PLXDC2: variants seen among roughly 807,000 people sequenced by gnomAD.
The protein encoded by PLXDC2 is plexin domain containing 2.
PLXDC2 carries 40 observed loss-of-function variants against 68.9 expected under a neutral mutation model. The observed-to-expected ratio is 0.58, with a 90% CI of 0.45 to 0.76. PLXDC2 has a LOEUF of 0.76. Among genes scored for constraint, PLXDC2 ranks in the 30% least tolerant of loss-of-function variants. The pLI is 0.00. For missense variants in PLXDC2, 644 were observed against 661.9 expected (o/e 0.97, Z 0.30); for synonymous variants, 243 against 234.2 (o/e 1.04, Z -0.34).
At position 20,022,267 on chromosome 10, in the gene PLXDC2, A is replaced by G. The variant is rs1835324853; in HGVS notation, c.324+20281A>G. Among the ~76,000 whole-genome samples the G allele has an allele frequency of 3.3e-5, 5 of 152,216 alleles. 1 individual carries two copies. In the South Asian group the frequency reaches 1.0e-3, roughly 32 times the overall value. On this transcript the variant is annotated intron_variant, in intron 2 of 13. Transcript: ENST00000377252. ...GTGCTAGTTGCCAGTATTTTTTAGT[A>G]AATGAAGCAGATACAAATGGAGTCT... is the stretch of plus-strand genomic sequence containing the variant.
intron 1 of PLXDC2, among the ~76,000 whole-genome samples, chr10:19,931,294 T>C (rs933601287): frequency 6.6e-6 from 1 of 152,216 alleles, no homozygotes; most frequent in Non-Finnish European, 1.5e-5. Context: ...ACTCCTTCTT[T>C]CCACTCTCAC....
intron 2 of PLXDC2, among the ~76,000 whole-genome samples, chr10:20,020,202 T>TTTTTTTTTG (rs1835283280): frequency 1.7e-5 from 2 of 118,286 alleles, no homozygotes; most frequent in African/African-American, 3.4e-5. Flanking sequence ...TTTTTTTTTG[T>TTTTTTTTTG]AGAGAGGTTG....
chr10:20,211,879 G>T, intron 10 of PLXDC2, 150 bp downstream of exon 10: 2 of 708,088 alleles, frequency 2.8e-6, no homozygotes, highest in African/African-American at 1.8e-5. Context: ...CAAATATTAG[G>T]GGTTCGATAA....
intron 1 of PLXDC2, among the ~76,000 whole-genome samples, chr10:19,960,479 T>G (rs1225485139): frequency 2.0e-5 from 3 of 152,204 alleles, no homozygotes; most frequent in African/African-American, 7.2e-5. Flanking sequence ...CAGTCCAACC[T>G]GTTACATTTG....
chr10:20,163,883 A>G (rs1482584707), intron 6 of PLXDC2, among the ~76,000 whole-genome samples: 7 of 152,212 alleles, frequency 4.6e-5, no homozygotes, highest in Non-Finnish European at 1.0e-4. Flanking sequence ...GAGATGACCC[A>G]TAAGAACTTA....
At chr10:20,167,298 C>A (rs143169474) in intron 7 of PLXDC2, among the ~76,000 whole-genome samples, 1 of 152,068 alleles carries the variant, frequency 6.6e-6, no homozygotes, top group Non-Finnish European at 1.5e-5. Flanking sequence ...AAGAGATACA[C>A]GGTTGCATTG....
In PLXDC2 at chr10:20,211,688, C is replaced by T. The variant is rs779833577; in HGVS notation, c.1081C>T (p.Arg361Cys). ...KLQRCSSGFD[R>C]HRQDWVDSGC... is the part of the protein sequence containing the mutation. Reference sequence around the variant, plus strand: ...TTGAAGATGTTCCAGTGGATTTGATCGTCATCGGCAGGACTGGGTGGACAG... The same window carrying T: ...TTGAAGATGTTCCAGTGGATTTGATTGTCATCGGCAGGACTGGGTGGACAG... The change falls in exon 10 of 14, where the codon CGT becomes TGT. Residue 361 changes from arginine to cysteine, a missense_variant. This residue lies in a region of PLXDC2 where 330 missense variants were observed against 327.9 expected (regional missense o/e 1.01). Coordinates refer to ENST00000377252, the MANE Select transcript of PLXDC2 (RefSeq NM_032812.9). The T allele has an allele frequency of 3.7e-6, 6 of 1,612,956 alleles. No homozygotes were observed. The highest frequency in any genetic ancestry group is 2.7e-5 in the African/African-American group (2 of 74,856).
chr10:20,112,774 A>G (rs1267878933), intron 4 of PLXDC2, among the ~76,000 whole-genome samples: 2 of 152,228 alleles, frequency 1.3e-5, no homozygotes, highest in Non-Finnish European at 2.9e-5. Flanking sequence ...GAAAATTTTT[A>G]CCGTGGAATA....
rs1564311348 is a variant in PLXDC2, at chr10:20,089,173, TGTGTGTGTGTGTGTGTG to T, written c.541+20935_541+20951del. On this transcript the variant is annotated intron_variant, in intron 4 of 13. Coordinates refer to ENST00000377252, the MANE Select transcript of PLXDC2 (RefSeq NM_032812.9). Reference sequence around the variant, plus strand: ...TTAAAAAAAAACCTGTATATACGTGTGTGTGTGTGTGTGTGTGTGTGTGTGTGTGTGTGTGTGTGTGT... The same window carrying T: ...TTAAAAAAAAACCTGTATATACGTGTTGTGTGTGTGTGTGTGTGTGTGTGT... 7.9e-5 allele frequency among the ~76,000 whole-genome samples: 3 copies of T among 38,092 alleles called. No individual in the cohort carries two copies. The African/African-American group carries it at 1.6e-3, about 20-fold the overall frequency. The allele number at this position is 38,092 out of a possible 152,430, so 25.0% of individuals were successfully genotyped here. A position where few individuals can be genotyped will look rare whatever the true frequency, so the allele number is the denominator to read the frequency against.
At chr10:20,126,121 A>AAT (rs1297408961) in intron 4 of PLXDC2, among the ~76,000 whole-genome samples, 1 of 147,574 alleles carries the variant, frequency 6.8e-6, no homozygotes, top group Admixed American at 6.8e-5. Flanking sequence ...TTTTATATAT[A>AAT]ATATATGTTA....
At chr10:19,843,346 T>C (rs1836942092) in intron 1 of PLXDC2, among the ~76,000 whole-genome samples, 1 of 152,234 alleles carries the variant, frequency 6.6e-6, no homozygotes, top group Admixed American at 6.5e-5. Context: ...ATCGATTTAT[T>C]CTCATGTTCT....
At chr10:19,946,841 C>T (rs779740374) in intron 1 of PLXDC2, among the ~76,000 whole-genome samples, 2 of 152,144 alleles carry the variant, frequency 1.3e-5, no homozygotes, top group Admixed American at 1.3e-4. Flanking sequence ...GAATCAAGTG[C>T]CATCGCTGAT....
chr10:19,860,379 G>T (rs547159638), intron 1 of PLXDC2, among the ~76,000 whole-genome samples: 1 of 152,306 alleles, frequency 6.6e-6, no homozygotes, highest in Non-Finnish European at 1.5e-5. Flanking sequence ...GCCTGGCATA[G>T]GGTCCAATAT....
intron 4 of PLXDC2, among the ~76,000 whole-genome samples, chr10:20,126,096 ACAT>A (rs911086373): frequency 1.4e-5 from 2 of 147,912 alleles, no homozygotes; most frequent in African/African-American, 4.9e-5. Flanking sequence ...GCTATATAAA[ACAT>A]CAATATGTAT....
intron 1 of PLXDC2, among the ~76,000 whole-genome samples, chr10:19,929,095 C>G (rs1337016674): frequency 6.6e-6 from 1 of 151,358 alleles, no homozygotes; most frequent in African/African-American, 2.4e-5. Context: ...CCATTCTTGG[C>G]TGGGCATGGT....
rs763436355 is a variant in PLXDC2, at chr10:19,981,544, C to T, written c.113-20231C>T. Among the ~76,000 whole-genome samples, 4 of 152,230 alleles carry T rather than the reference C, an allele frequency of 2.6e-5. No homozygotes were observed. The East Asian group carries it at 5.8e-4, about 22-fold the overall frequency. On this transcript the variant is annotated intron_variant, in intron 1 of 13. Coordinates refer to ENST00000377252, the MANE Select transcript of PLXDC2 (RefSeq NM_032812.9). ...TCTTAGCAGAAGGAGATCTCTGGGACTCACCCAGACATCTGACCTGTCTTT... is the reference window on the plus strand; with the variant it reads ...TCTTAGCAGAAGGAGATCTCTGGGATTCACCCAGACATCTGACCTGTCTTT...
At chr10:20,156,324 T>C (rs1471885350) in intron 6 of PLXDC2, among the ~76,000 whole-genome samples, 1 of 152,208 alleles carries the variant, frequency 6.6e-6, no homozygotes, top group Non-Finnish European at 1.5e-5. Context: ...TTACTCTGTG[T>C]ATGTTTTTAT....
chr10:20,204,732 A>G (rs1834967433), intron 9 of PLXDC2, among the ~76,000 whole-genome samples: 1 of 152,198 alleles, frequency 6.6e-6, no homozygotes, highest in African/African-American at 2.4e-5. Flanking sequence ...AGCCACACCC[A>G]ATGTGTTTAC....
chr10:19,916,905 C>G (rs1211524847), intron 1 of PLXDC2, among the ~76,000 whole-genome samples: 1 of 152,130 alleles, frequency 6.6e-6, no homozygotes. Context: ...GTATGCAGAG[C>G]AGAGATTTTT....
Sources: allele counts gnomAD v4.1 joint callset (sites outside exome capture counted in the v4.1 genomes callset), GRCh38; gene constraint gnomAD v4.1.1; regional missense constraint gnomAD v4.1.1; transcripts MANE v1.5; gene names NCBI Gene and HGNC (gene_info 2026-07-23, HGNC 2026-07-21).